The following DNAH17 variants were observed in gnomAD, a reference collection of about 807,000 sequenced individuals.
DNAH17 encodes dynein axonemal heavy chain 17.
Under a neutral mutation model 485.6 loss-of-function variants are expected in DNAH17, and 376 were observed. That is an observed-to-expected ratio of 0.77 (90% CI 0.71 to 0.84). The LOEUF (loss-of-function observed/expected upper bound fraction) is 0.84. Ranked by LOEUF, DNAH17 falls within the 40% of genes least tolerant of loss-of-function variation. The probability of loss-of-function intolerance (pLI) is 0.00; values close to 1 mark genes in which losing one functional copy is unlikely to be tolerated. For synonymous variants in DNAH17, 3,031 were observed against 2,405.9 expected, an observed-to-expected ratio of 1.26 and a Z score of -7.60; for missense variants, 6,370 against 5,839.3, an observed-to-expected ratio of 1.09 and a Z score of -2.96.
chr17:78,537,370 C>T lies in DNAH17; in HGVS notation c.2788G>A (p.Gly930Ser), dbSNP rs1336328032. Residue 930 changes from glycine (G) to serine (S), a missense_variant, in exon 19 of 81, where the codon GGC becomes AGC. By Grantham distance (56) the Gly-to-Ser change is moderately conservative. Transcript: ENST00000389840. ...ACGTTGTAGATGTCGTTGACCAGGC[C>T]CTCGATCAGTGCCAGGAAGCCGCGA... ...SDRGFLALIE[G>S]LVNDIYNVAR... 3 of 1,611,422 alleles carry T rather than the reference C, an allele frequency of 1.9e-6. No individual in the cohort carries two copies. The highest frequency in any genetic ancestry group is 2.2e-5 in the East Asian group (1 of 44,806).
intron 25 of DNAH17, among the ~76,000 whole-genome samples, chr17:78,523,527 A>G (rs1011375972): frequency 6.6e-6 from 1 of 152,160 alleles, no homozygotes; most frequent in African/African-American, 2.4e-5. Context: ...AAACTTAAAA[A>G]AAGTCAATTG....
chr17:78,567,836 T>C (rs1037476638), intron 9 of DNAH17, among the ~76,000 whole-genome samples: 1 of 152,200 alleles, frequency 6.6e-6, no homozygotes, highest in African/African-American at 2.4e-5. Flanking sequence ...TGGTTGTGTG[T>C]GTGCAGTTCC....
At chr17:78,468,571 G>A (rs181978940) in intron 55 of DNAH17, 46 bp downstream of exon 55, 109 of 1,584,278 alleles carry the variant, frequency 6.9e-5, no homozygotes, top group Non-Finnish European at 8.8e-5. Flanking sequence ...TAGGCCACGG[G>A]CACCAAGCTG....
chr17:78,481,694 A>G (rs2089357388), intron 48 of DNAH17, among the ~76,000 whole-genome samples: 1 of 152,192 alleles, frequency 6.6e-6, no homozygotes, highest in Admixed American at 6.5e-5. Flanking sequence ...TGTTATCAGG[A>G]TAATTATTAA....
At chr17:78,559,945 C>T (rs2092115777) in intron 13 of DNAH17, among the ~76,000 whole-genome samples, 1 of 152,152 alleles carries the variant, frequency 6.6e-6, no homozygotes, top group Non-Finnish European at 1.5e-5. Flanking sequence ...GCACTCTGAC[C>T]TCCCACAAGT....
chr17:78,543,068 G>A lies in DNAH17; in HGVS notation c.2532+789C>T, dbSNP rs193025812. 1.4e-3 allele frequency among the ~76,000 whole-genome samples: 217 copies of A among 152,298 alleles called. 8 individuals carry two copies. In the South Asian group the frequency reaches 0.03, roughly 21 times the overall value. On this transcript the variant is annotated intron_variant, in intron 17 of 80. Coordinates refer to ENST00000389840, the MANE Select transcript of DNAH17 (RefSeq NM_173628.4). Reference sequence around the variant, plus strand: ...CCAGGCTTGGAAGTGTACAGCAAGGGTGGTCTACTACTTAAAGATAAGGCT... The same window carrying A: ...CCAGGCTTGGAAGTGTACAGCAAGGATGGTCTACTACTTAAAGATAAGGCT...
chr17:78,523,888 A>G (rs111484832), intron 25 of DNAH17, among the ~76,000 whole-genome samples: 29,258 of 152,224 alleles, frequency 0.19, 3,575 homozygotes, highest in Middle Eastern at 0.32. Flanking sequence ...CAGCCTGGGC[A>G]ACAGAGCAGG....
Position 78,486,283 on chromosome 17 carries a change from C to T in DNAH17, c.7042G>A (p.Glu2348Lys), listed in dbSNP as rs1350731550. 9 of 1,609,658 alleles carry T rather than the reference C, an allele frequency of 5.6e-6. No individual in the cohort carries two copies. The highest frequency in any genetic ancestry group is 2.7e-5 in the African/African-American group (2 of 74,846). Residue 2348 changes from glutamate to lysine, a missense_variant, in exon 45 of 81, where the codon GAG becomes AAG. Transcript: ENST00000389840. ...VPPDSPRELY[E>K]LYFVFTCFWA... ...AAGCAGGTGAACACGAAGTACAGCT[C>T]GTACAGCTCCCTGGGGGAGTCGGGG...
In DNAH17 at chr17:78,459,821, T is replaced by C; in HGVS notation, c.9616A>G (p.Lys3206Glu). The change falls in exon 60 of 81, where the codon AAG (lysine) becomes GAG (glutamate). Residue 3206 changes from lysine to glutamate, a missense_variant. By Grantham distance (56) the Lys-to-Glu change is moderately conservative. Coordinates refer to ENST00000389840, the MANE Select transcript of DNAH17 (RefSeq NM_173628.4). Reference sequence around the variant, plus strand: ...AGGCAGGCCTCAGGGATGTGCTCCTTGTCGAACTTCTTCAGGGAGTCTAGG... The same window carrying C: ...AGGCAGGCCTCAGGGATGTGCTCCTCGTCGAACTTCTTCAGGGAGTCTAGG... ...TFLDSLKKFD[K>E]EHIPEACLKA... 6.2e-7 allele frequency: 1 copy of C among 1,614,062 alleles called. No homozygotes were observed. Among genetic ancestry groups the C allele is most frequent in the Non-Finnish European group, 8.5e-7 (1 of 1,179,886 alleles).
intron 17 of DNAH17, 38 bp from the exon 18 acceptor site, chr17:78,539,918 G>A (rs2091476026): frequency 3.9e-6 from 6 of 1,523,986 alleles, no homozygotes; most frequent in Non-Finnish European, 5.3e-6. Context: ...TCACTTCACT[G>A]GCTGTGCTTG....
At chr17:78,522,861 T>C (rs201591887) in intron 25 of DNAH17, 59 of 117,468 alleles carry the variant, frequency 5.0e-4, no homozygotes, top group Non-Finnish European at 8.7e-4. Flanking sequence ...TTTCTTTCTT[T>C]TTTTTTTTTG....
At chr17:78,447,617 G>A (rs1167712004) in intron 69 of DNAH17, among the ~76,000 whole-genome samples, 2 of 152,212 alleles carry the variant, frequency 1.3e-5, no homozygotes, top group African/African-American at 4.8e-5. Context: ...TGGGACCAAA[G>A]AGAATGCTTT....
chr17:78,531,075 C>T (rs2091223423), intron 20 of DNAH17, among the ~76,000 whole-genome samples: 1 of 152,182 alleles, frequency 6.6e-6, no homozygotes, highest in Non-Finnish European at 1.5e-5. Context: ...ATCTAAAGTG[C>T]AGTTTAACTC....
intron 58 of DNAH17, 84 bp from the exon 59 acceptor site, chr17:78,460,341 T>C (rs936806805): frequency 1.1e-6 from 1 of 936,500 alleles, no homozygotes; most frequent in Non-Finnish European, 1.6e-6. Flanking sequence ...TGTGCATGTG[T>C]GTGCATGTGT....
At chr17:78,474,231 G>T (rs1283344410) in intron 54 of DNAH17, among the ~76,000 whole-genome samples, 1 of 152,220 alleles carries the variant, frequency 6.6e-6, no homozygotes, top group Non-Finnish European at 1.5e-5. Flanking sequence ...GTCCCCTTAG[G>T]TTCCCCCTTG....
At chr17:78,459,651 A>T in intron 60 of DNAH17, 133 bp downstream of exon 60, 1 of 943,850 alleles carries the variant, frequency 1.1e-6, no homozygotes, top group Non-Finnish European at 1.6e-6. Flanking sequence ...GGGGTGCTGT[A>T]TGGGGAAGGG....
rs151244037 is a variant in DNAH17, at chr17:78,429,362, G to C, written c.12226-62C>G. On this transcript the variant is annotated intron_variant, in intron 75 of 80. Coordinates refer to ENST00000389840, the MANE Select transcript of DNAH17 (RefSeq NM_173628.4). ...CTGTGCCCCTTCTCTGCCATGAGAG[G>C]GTCAGGCTCAGGCAGGCAGGGCGTG... is the stretch of plus-strand genomic sequence containing the variant. 236 of 1,554,594 alleles carry C rather than the reference G, an allele frequency of 1.5e-4. No homozygotes were observed. The African/African-American group carries it at 2.6e-3, about 17-fold the overall frequency.
chr17:78,510,191 A>T (rs1441340518), intron 27 of DNAH17, among the ~76,000 whole-genome samples, 193 bp downstream of exon 27: 13 of 151,996 alleles, frequency 8.6e-5, no homozygotes, highest in Admixed American at 8.5e-4. Flanking sequence ...CAAAAACAAT[A>T]AAAAATAATA....
At chr17:78,435,222 A>G (rs747656310) in intron 74 of DNAH17, among the ~76,000 whole-genome samples, 17 of 152,132 alleles carry the variant, frequency 1.1e-4, no homozygotes, top group Non-Finnish European at 2.4e-4. Context: ...TGGGAGACTC[A>G]CCAGCCCCCA....
Sources: gnomAD v4.1 joint callset for allele counts (sites outside exome capture counted in the v4.1 genomes callset) on GRCh38, gnomAD v4.1.1 for gene constraint, MANE v1.5 for transcripts, NCBI Gene and HGNC (gene_info 2026-07-23, HGNC 2026-07-21) for gene names.